AGAP1: variants seen among roughly 807,000 people sequenced by gnomAD.
AGAP1 encodes ArfGAP with GTPase domain, ankyrin repeat and PH domain 1.
A neutral mutation model predicts 105.3 loss-of-function variants in AGAP1; 29 were observed. That is an observed-to-expected ratio of 0.28 (90% confidence interval 0.21 to 0.38). AGAP1 has a LOEUF of 0.38. Among genes scored for constraint, AGAP1 ranks in the 10% least tolerant of loss-of-function variants. The pLI is 1.00. For synonymous variants in AGAP1, 509 were observed against 485.9 expected (o/e 1.05, Z -0.63); for missense variants, 998 against 1,165.1 (o/e 0.86, Z 2.09).
rs2049919521 is a variant in AGAP1 at position 235,879,807 on chromosome 2, G to C, written c.1051-3538G>C. On this transcript the variant is annotated intron_variant, in intron 9 of 17. Coordinates refer to ENST00000304032, the MANE Select transcript of AGAP1 (RefSeq NM_001037131.3). The surrounding 1 kb of genome is among the most constrained non-coding windows in gnomAD (Gnocchi z 5.0). ...ATTAGACAGACATGGTGGCATGTGT[G>C]TGTAGTCCTAGCTACTCGGAGGAGG... is the stretch of plus-strand genomic sequence containing the variant. Among the ~76,000 whole-genome samples, 1 of 152,162 alleles carries C rather than the reference G, an allele frequency of 6.6e-6. No homozygotes were observed.
intron 1 of AGAP1, among the ~76,000 whole-genome samples, chr2:235,646,038 A>C (rs1947372535): frequency 6.6e-6 from 1 of 152,114 alleles, no homozygotes; most frequent in Non-Finnish European, 1.5e-5. Context: ...GCACTTTAGG[A>C]GTCCCAGATG....
At position 236,126,813 on chromosome 2, in the gene AGAP1, G is replaced by A. The variant is rs1386223319; in HGVS notation, c.*2691G>A. The A allele has an allele frequency of 2.6e-5, 4 of 152,196 alleles. No individual in the cohort carries two copies. Among genetic ancestry groups the A allele is most frequent in the Non-Finnish European group, 5.9e-5 (4 of 68,048 alleles). 9.4% of individuals were successfully genotyped at this position (152,196 alleles called of 1,614,324 possible). ...TTTGCCCAGAGCTCGTTGGCAGTCT[G>A]TTTGTATTTCAGTGTCTAACCAGAA... On this transcript the variant is annotated 3_prime_UTR_variant, in exon 18 of 18. Transcript: ENST00000304032.
chr2:235,627,463 G>A (rs189646890), intron 1 of AGAP1, among the ~76,000 whole-genome samples: 2 of 152,226 alleles, frequency 1.3e-5, no homozygotes, highest in East Asian at 1.9e-4. Flanking sequence ...GATCTCAAGT[G>A]ATCCGTCCAC....
At chr2:235,778,116 G>A (rs1222213352) in intron 6 of AGAP1, among the ~76,000 whole-genome samples, 1 of 152,088 alleles carries the variant, frequency 6.6e-6, no homozygotes, top group Non-Finnish European at 1.5e-5. Flanking sequence ...CTGGGCCCCA[G>A]CTGGGTGGCC....
intron 1 of AGAP1, among the ~76,000 whole-genome samples, chr2:235,561,801 C>CA (rs1944161451): frequency 6.6e-6 from 1 of 152,156 alleles, no homozygotes; most frequent in Non-Finnish European, 1.5e-5. Context: ...GTTGACAGAT[C>CA]GGAGCCTAAG....
At chr2:235,802,078 T>G (rs1191175606) in intron 8 of AGAP1, among the ~76,000 whole-genome samples, 1 of 152,010 alleles carries the variant, frequency 6.6e-6, no homozygotes, top group Non-Finnish European at 1.5e-5. Context: ...ATTTAATAAA[T>G]ATTGACTTAA....
rs932710788 is a variant in AGAP1, at chr2:236,053,047, G to A, written c.2114+3766G>A. 2.6e-5 allele frequency among the ~76,000 whole-genome samples: 4 copies of A among 152,206 alleles called. No homozygotes were observed. The highest frequency in any genetic ancestry group is 1.9e-4 in the East Asian group (1 of 5,182). On this transcript the variant is annotated intron_variant, in intron 16 of 17. Coordinates refer to ENST00000304032, the MANE Select transcript of AGAP1 (RefSeq NM_001037131.3). The surrounding 1 kb of genome is among the most constrained non-coding windows in gnomAD (Gnocchi z 4.6). ...GGACTTCGTAACACCCGGCTTGTGC[G>A]TGTGTGCGGTACCATAACGTAGCGT...
At chr2:236,039,626 A>G (rs1215695023) in intron 14 of AGAP1, among the ~76,000 whole-genome samples, 2 of 152,276 alleles carry the variant, frequency 1.3e-5, no homozygotes, top group African/African-American at 4.8e-5. Flanking sequence ...GAACTTGATA[A>G]GTAGGTCTTC....
intron 6 of AGAP1, among the ~76,000 whole-genome samples, chr2:235,782,786 C>G (rs567517855): frequency 6.6e-6 from 1 of 152,250 alleles, no homozygotes; most frequent in Admixed American, 6.5e-5. Flanking sequence ...TAACTATCAC[C>G]CTTGGATGGT....
chr2:235,805,483 T>G (rs1488242780), intron 8 of AGAP1, among the ~76,000 whole-genome samples: 1 of 152,164 alleles, frequency 6.6e-6, no homozygotes, highest in African/African-American at 2.4e-5. Flanking sequence ...TGAAGATGGA[T>G]TTCCAAATTT....
chr2:235,980,043 C>T (rs901313248), intron 13 of AGAP1, among the ~76,000 whole-genome samples: 4 of 152,168 alleles, frequency 2.6e-5, no homozygotes, highest in Non-Finnish European at 5.9e-5. Context: ...GCCTGCGATT[C>T]GTACCGCTTG....
chr2:235,825,971 A>G (rs1416852631), intron 9 of AGAP1, among the ~76,000 whole-genome samples: 2 of 152,204 alleles, frequency 1.3e-5, no homozygotes, highest in Non-Finnish European at 2.9e-5. Context: ...CATGTGCCTC[A>G]TAAATATATA....
In AGAP1 at chr2:235,494,581, C is replaced by T. The variant is rs950767506; in HGVS notation, c.-106C>T. Reference sequence around the variant, plus strand: ...CCTCCTCCGCCCGCCGCCGGCGGGCCCGGCTCCCCGGGGGCTGCGGCGCCC... The same window carrying T: ...CCTCCTCCGCCCGCCGCCGGCGGGCTCGGCTCCCCGGGGGCTGCGGCGCCC... On this transcript the variant is annotated 5_prime_UTR_variant, in exon 1 of 18. Transcript: ENST00000304032. 6 of 290,050 alleles carry T rather than the reference C, an allele frequency of 2.1e-5. No individual in the cohort carries two copies. The highest frequency in any genetic ancestry group is 1.4e-4 in the African/African-American group (6 of 42,278). 18.0% of individuals were successfully genotyped at this position (290,050 alleles called of 1,614,324 possible). A position where few individuals can be genotyped will look rare whatever the true frequency, so the allele number is the denominator to read the frequency against.
Position 236,095,593 on chromosome 2 carries a change from A to G in AGAP1, c.2115-24599A>G, listed in dbSNP as rs1427610495. ...AGAAAAAGGGAAAATCTAACAGGAA[A>G]TTCTCATGTTGGTAGATATTGACAT... On this transcript the variant is annotated intron_variant, in intron 16 of 17. Transcript: ENST00000304032. The surrounding 1 kb of genome is among the most constrained non-coding windows in gnomAD (Gnocchi z 4.1). 6.6e-6 allele frequency among the ~76,000 whole-genome samples: 1 copy of G among 152,216 alleles called. No homozygotes were observed. Among genetic ancestry groups the G allele is most frequent in the Non-Finnish European group, 1.5e-5 (1 of 68,040 alleles).
rs2125863023 is a variant in AGAP1, at chr2:236,089,101, A to T, written c.2115-31091A>T. ...GTGGGATGCCACAGTTGCGGCAGAG[A>T]ATATCCAAAAGGAAAGGGTCCAAGT... On this transcript the variant is annotated intron_variant, in intron 16 of 17. Transcript: ENST00000304032. The surrounding 1 kb of genome is among the most constrained non-coding windows in gnomAD (Gnocchi z 5.6). Among the ~76,000 whole-genome samples, 1 of 152,340 alleles carries T rather than the reference A, an allele frequency of 6.6e-6. No individual in the cohort carries two copies. The highest frequency in any genetic ancestry group is 2.4e-5 in the African/African-American group (1 of 41,580).
In AGAP1 at chr2:236,073,903, C is replaced by T. The variant is rs991807146; in HGVS notation, c.2114+24622C>T. Among the ~76,000 whole-genome samples, 1 of 151,208 alleles carries T rather than the reference C, an allele frequency of 6.6e-6. No individual in the cohort carries two copies. Among genetic ancestry groups the T allele is most frequent in the African/African-American group, 2.4e-5 (1 of 41,366 alleles). On this transcript the variant is annotated intron_variant, in intron 16 of 17. Coordinates refer to ENST00000304032, the MANE Select transcript of AGAP1 (RefSeq NM_001037131.3). The surrounding 1 kb of genome is among the most constrained non-coding windows in gnomAD (Gnocchi z 5.4). ...TGCTGGTTGGCCTGGGCATGCCCCT[C>T]CCCCCAAGCATTTCCGCTGCACATC...
intron 11 of AGAP1, among the ~76,000 whole-genome samples, chr2:235,920,332 G>A (rs2052119188): frequency 1.3e-5 from 2 of 152,200 alleles, no homozygotes; most frequent in South Asian, 2.1e-4. Context: ...CCAACATGGA[G>A]CAGTAACCCA....
chr2:236,099,406 G>T (rs1450360143), intron 16 of AGAP1, among the ~76,000 whole-genome samples: 1 of 150,396 alleles, frequency 6.6e-6, no homozygotes, highest in East Asian at 2.0e-4. Context: ...GGTGAGCCGA[G>T]ATCACACCAC....
At chr2:236,037,280 GCAGGTTTTCTGGTTCTCA>G (rs2057410927) in intron 14 of AGAP1, 1 of 152,048 alleles carries the variant, frequency 6.6e-6, no homozygotes, top group South Asian at 2.1e-4. Context: ...AATTTGTCCA[GCAGGTTTTCTGGTTCTCA>G]CCAGAAAACG....
Sources: gnomAD v4.1 joint callset for allele counts (sites outside exome capture counted in the v4.1 genomes callset) on GRCh38, gnomAD v4.1.1 for gene constraint, Gnocchi (gnomAD v3.1) non-coding constraint, MANE v1.5 for transcripts, NCBI Gene and HGNC (gene_info 2026-07-23, HGNC 2026-07-21) for gene names.